Variants in SHROOM2 observed in about 807,000 individuals in gnomAD.
SHROOM2 encodes the protein shroom family member 2.
A neutral mutation model predicts 75.9 loss-of-function variants in SHROOM2; 33 were observed. That is an observed-to-expected ratio of 0.43 (90% CI 0.33 to 0.58). The LOEUF (loss-of-function observed/expected upper bound fraction) is 0.58, where lower values mean the gene tolerates loss of function less well. Ranked by LOEUF, SHROOM2 falls within the 20% of genes least tolerant of loss-of-function variation. The pLI is 0.04. For synonymous variants in SHROOM2, 655 were observed against 663.6 expected (o/e 0.99, Z 0.20); for missense variants, 1,434 against 1,461.2 (o/e 0.98, Z 0.30).
At chrX:9,862,292 T>C (rs1278678411) in intron 1 of SHROOM2, among the ~76,000 whole-genome samples, 2 of 110,859 alleles carry the variant, frequency 1.8e-5, no homozygotes, top group Non-Finnish European at 3.8e-5. Context: ...CCTCCAGGGC[T>C]GGGGCACAGA....
intron 1 of SHROOM2, among the ~76,000 whole-genome samples, chrX:9,837,969 AT>A (rs1007023727): frequency 1.8e-5 from 2 of 109,775 alleles, no homozygotes; most frequent in African/African-American, 6.6e-5. Flanking sequence ...AACAGCTGGA[AT>A]TGGGTGGTCC....
At chrX:9,805,136 T>G (rs746263669) in intron 1 of SHROOM2, among the ~76,000 whole-genome samples, 81 of 109,657 alleles carry the variant, frequency 7.4e-4, no homozygotes, top group Non-Finnish European at 1.3e-3. Context: ...GTAATCTCAC[T>G]CCGGAGGCTG....
intron 1 of SHROOM2, among the ~76,000 whole-genome samples, chrX:9,797,341 C>CA (rs2083700432): frequency 8.9e-6 from 1 of 112,687 alleles, no homozygotes; most frequent in Non-Finnish European, 1.9e-5. Flanking sequence ...ATGCTATGGT[C>CA]ACCATCCATG....
intron 1 of SHROOM2, among the ~76,000 whole-genome samples, chrX:9,867,929 G>C (rs1397064646): frequency 1.8e-5 from 2 of 111,475 alleles, no homozygotes; most frequent in African/African-American, 6.5e-5. Flanking sequence ...ACAGCATCAT[G>C]TTGTCCTTTG....
intron 1 of SHROOM2, among the ~76,000 whole-genome samples, chrX:9,791,140 A>G (rs2083645672): frequency 9.1e-6 from 1 of 110,063 alleles, no homozygotes; most frequent in African/African-American, 3.3e-5. Flanking sequence ...TATCTTTTGA[A>G]AAAAAAAAAG....
intron 1 of SHROOM2, among the ~76,000 whole-genome samples, chrX:9,866,719 G>A (rs1449089277): frequency 2.7e-5 from 3 of 111,510 alleles, no homozygotes; most frequent in South Asian, 7.6e-4. Context: ...CTGTAGTGAT[G>A]AGTTCACTCC....
At chrX:9,840,033 G>A (rs1259366492) in intron 1 of SHROOM2, among the ~76,000 whole-genome samples, 1 of 111,752 alleles carries the variant, frequency 8.9e-6, no homozygotes, top group Non-Finnish European at 1.9e-5. Flanking sequence ...AGGTGATGAA[G>A]GGCTGTGCTG....
intron 1 of SHROOM2, among the ~76,000 whole-genome samples, chrX:9,817,563 A>G (rs1294029280): frequency 8.9e-6 from 1 of 112,015 alleles, no homozygotes; most frequent in African/African-American, 3.2e-5. Context: ...GCAAGTATAC[A>G]TGAAATGAGA....
chrX:9,830,525 T>A (rs1318697220), intron 1 of SHROOM2, among the ~76,000 whole-genome samples: 1 of 107,471 alleles, frequency 9.3e-6, no homozygotes, highest in Non-Finnish European at 1.9e-5. Flanking sequence ...GAAAGCAGCT[T>A]GTGGCTAAGA....
chrX:9,945,712 T>G (rs1180991720), intron 9 of SHROOM2, among the ~76,000 whole-genome samples: 1 of 111,425 alleles, frequency 9.0e-6, no homozygotes, highest in Non-Finnish European at 1.9e-5. Flanking sequence ...CAAGAGGGCA[T>G]GTATCAGTCT....
chrX:9,940,076 G>A lies in SHROOM2; in HGVS notation c.4311+710G>A, dbSNP rs745437814. Among the ~76,000 whole-genome samples the A allele has an allele frequency of 5.3e-5, 6 of 112,418 alleles. No homozygotes were observed. In the East Asian group the frequency reaches 1.4e-3, roughly 26 times the overall value. ...ATTACAGGCGTGAGCCACTGCTTCC[G>A]GGCTGGAAGATGGTAACTTTTTGGT... On this transcript the variant is annotated intron_variant, in intron 8 of 9. Coordinates refer to ENST00000380913, the MANE Select transcript of SHROOM2 (RefSeq NM_001649.4).
At chrX:9,874,914 C>CA (rs1258218983) in intron 2 of SHROOM2, among the ~76,000 whole-genome samples, 3 of 105,049 alleles carry the variant, frequency 2.9e-5, no homozygotes, top group African/African-American at 1.0e-4. Flanking sequence ...ATCTCTCTCT[C>CA]AAAAAATTTT....
intron 1 of SHROOM2, among the ~76,000 whole-genome samples, chrX:9,864,006 C>T (rs901735150): frequency 9.0e-6 from 1 of 111,052 alleles, no homozygotes; most frequent in Non-Finnish European, 1.9e-5. Flanking sequence ...CTTAAAAGGC[C>T]AGGAATTAGG....
intron 5 of SHROOM2, among the ~76,000 whole-genome samples, chrX:9,907,772 G>C (rs1411267220): frequency 8.9e-6 from 1 of 112,251 alleles, no homozygotes; most frequent in Admixed American, 9.4e-5. Flanking sequence ...CTGGCCCCCT[G>C]TCTGTTTTTT....
intron 1 of SHROOM2, among the ~76,000 whole-genome samples, chrX:9,811,526 C>T (rs376252474): frequency 8.9e-6 from 1 of 111,865 alleles, no homozygotes; most frequent in Admixed American, 9.5e-5. Flanking sequence ...ACCTCATCCC[C>T]GAATTTCTTT....
Position 9,894,936 on chromosome X carries a change from C to T in SHROOM2, c.1028C>T (p.Ala343Val), listed in dbSNP as rs746925169. The change falls in exon 4 of 10, where the codon GCG becomes GTG. Residue 343 changes from alanine (A) to valine (V), a missense_variant. By Grantham distance (64) the Ala-to-Val change is moderately conservative. Transcript: ENST00000380913. ...GCCCAGGGCCCTGTGTTCTCAGAGG[C>T]GGCTGCGGCACAGCACTTTACGGCC... ...EKAQGPVFSE[A>V]AAAQHFTALA... is the part of the protein sequence containing the mutation. The T allele has an allele frequency of 9.9e-6, 12 of 1,209,348 alleles. No homozygotes were observed. The highest frequency in any genetic ancestry group is 1.7e-5 in the African/African-American group (1 of 57,300).
intron 1 of SHROOM2, among the ~76,000 whole-genome samples, chrX:9,838,511 G>C (rs1433788645): frequency 5.4e-5 from 6 of 111,197 alleles, no homozygotes; most frequent in Admixed American, 2.9e-4. Context: ...ATCAAGCCTT[G>C]ACTACTAAGG....
At chrX:9,928,262 A>T (rs1468155753) in intron 5 of SHROOM2, among the ~76,000 whole-genome samples, 1 of 112,395 alleles carries the variant, frequency 8.9e-6, no homozygotes, top group African/African-American at 3.2e-5. Flanking sequence ...GAACTGTGCA[A>T]GCAGCTGTCT....
chrX:9,879,752 G>C (rs1020457806), intron 2 of SHROOM2, among the ~76,000 whole-genome samples: 3 of 106,060 alleles, frequency 2.8e-5, no homozygotes, highest in Non-Finnish European at 5.8e-5. Context: ...AGAATGTTTA[G>C]CTTATTTTTG....
Sources: gnomAD v4.1 joint callset for allele counts (sites outside exome capture counted in the v4.1 genomes callset) on GRCh38, gnomAD v4.1.1 for gene constraint, MANE v1.5 for transcripts, NCBI Gene and HGNC (gene_info 2026-07-23, HGNC 2026-07-21) for gene names.